CDH12: variants seen among roughly 807,000 people sequenced by gnomAD.
CDH12 encodes the protein cadherin 12, also known as cadherin-12.
A neutral mutation model predicts 74.1 loss-of-function variants in CDH12; 41 were observed. The observed-to-expected ratio is 0.55, with a 90% CI of 0.43 to 0.72. The LOEUF (loss-of-function observed/expected upper bound fraction) is 0.72. Ranked by LOEUF, CDH12 falls within the 30% of genes least tolerant of loss-of-function variation. CDH12 has a pLI of 0.00. For synonymous variants in CDH12, 399 were observed against 355.0 expected, an observed-to-expected ratio of 1.12 and a Z score of -1.39; for missense variants, 945 against 977.2, an observed-to-expected ratio of 0.97 and a Z score of 0.44.
At chr5:22,565,650 G>C (rs1739249641) in intron 1 of CDH12, among the ~76,000 whole-genome samples, 1 of 151,908 alleles carries the variant, frequency 6.6e-6, no homozygotes, top group African/African-American at 2.4e-5. Flanking sequence ...AATCCTCTTG[G>C]GGGTATTTGC....
intron 3 of CDH12, among the ~76,000 whole-genome samples, chr5:22,261,185 T>A (rs1322630518): frequency 6.6e-6 from 1 of 151,868 alleles, no homozygotes; most frequent in Non-Finnish European, 1.5e-5. Context: ...CAGAAATTTT[T>A]TTTTGCAATA....
intron 6 of CDH12, among the ~76,000 whole-genome samples, chr5:21,898,733 A>C (rs1031639411): frequency 9.9e-5 from 15 of 151,918 alleles, no homozygotes; most frequent in Non-Finnish European, 1.3e-4. Flanking sequence ...ATAAATAAAT[A>C]AAATAAAGTA....
chr5:22,380,991 C>A (rs1434015183), intron 3 of CDH12, among the ~76,000 whole-genome samples: 1 of 151,968 alleles, frequency 6.6e-6, no homozygotes, highest in African/African-American at 2.4e-5. Context: ...ATAAGAAGTG[C>A]TGGAGGATAT....
chr5:21,764,834 T>G, intron 12 of CDH12, 144 bp downstream of exon 12: 1 of 760,300 alleles, frequency 1.3e-6, no homozygotes, highest in South Asian at 1.7e-5. Flanking sequence ...TCACAAGAGT[T>G]TAATTAATCT....
At chr5:22,809,307 A>G (rs1287692343) in intron 1 of CDH12, among the ~76,000 whole-genome samples, 3 of 152,034 alleles carry the variant, frequency 2.0e-5, no homozygotes, top group Admixed American at 6.6e-5. Flanking sequence ...GGTAGCAGAC[A>G]AAAGTATATT....
At chr5:22,232,915 C>T (rs1276755157) in intron 3 of CDH12, among the ~76,000 whole-genome samples, 6 of 147,630 alleles carry the variant, frequency 4.1e-5, no homozygotes, top group Admixed American at 1.4e-4. Flanking sequence ...TTTTTTCTCT[C>T]TCATTGGATT....
intron 11 of CDH12, among the ~76,000 whole-genome samples, chr5:21,766,204 T>TA (rs1262417995): frequency 1.3e-5 from 2 of 151,996 alleles, no homozygotes; most frequent in Non-Finnish European, 2.9e-5. Flanking sequence ...AAAATTCATT[T>TA]AAAAAATACA....
intron 3 of CDH12, among the ~76,000 whole-genome samples, chr5:22,364,340 C>A (rs1740943827): frequency 3.9e-5 from 6 of 152,050 alleles, no homozygotes; most frequent in Admixed American, 3.9e-4. Flanking sequence ...CAAACAGATT[C>A]AAATGTTAAC....
chr5:22,117,489 T>TAA (rs1491147762), intron 4 of CDH12, among the ~76,000 whole-genome samples: 1 of 48,606 alleles, frequency 2.1e-5, no homozygotes, highest in African/African-American at 7.3e-5. Context: ...TATATATATA[T>TAA]TATATATATA....
intron 6 of CDH12, among the ~76,000 whole-genome samples, chr5:21,913,053 G>C (rs942002326): frequency 6.6e-6 from 1 of 152,092 alleles, no homozygotes; most frequent in Admixed American, 6.6e-5. Flanking sequence ...ATGTTGGCCA[G>C]ACTGACCTCA....
chr5:22,690,665 GT>G (rs1326247266), intron 1 of CDH12, among the ~76,000 whole-genome samples: 1 of 152,134 alleles, frequency 6.6e-6, no homozygotes, highest in African/African-American at 2.4e-5. Flanking sequence ...CTTTTTGTAA[GT>G]TCAGGAAAAT....
At chr5:21,903,946 G>GA (rs1323915696) in intron 6 of CDH12, among the ~76,000 whole-genome samples, 2 of 151,984 alleles carry the variant, frequency 1.3e-5, no homozygotes, top group Admixed American at 1.3e-4. Flanking sequence ...TTATTCCTTA[G>GA]AAAAAAAGAC....
intron 3 of CDH12, among the ~76,000 whole-genome samples, chr5:22,301,971 T>C (rs1036804535): frequency 6.6e-6 from 1 of 151,548 alleles, no homozygotes. Flanking sequence ...TCCCAGCCCA[T>C]CTACTTTATA....
intron 11 of CDH12, among the ~76,000 whole-genome samples, chr5:21,775,589 C>T (rs959479610): frequency 6.6e-6 from 1 of 152,054 alleles, no homozygotes; most frequent in African/African-American, 2.4e-5. Flanking sequence ...CATAGCTATG[C>T]CTTTGCTTAA....
At chr5:22,393,267 TTA>T (rs1742322359) in intron 3 of CDH12, among the ~76,000 whole-genome samples, 1 of 151,884 alleles carries the variant, frequency 6.6e-6, no homozygotes, top group South Asian at 2.1e-4. Context: ...AAAGGAAACG[TTA>T]GAGTGAAGTG....
At chr5:21,816,654 GAAT>G (rs1748064749) in intron 9 of CDH12, among the ~76,000 whole-genome samples, 1 of 49,708 alleles carries the variant, frequency 2.0e-5, no homozygotes, top group South Asian at 7.9e-4. Flanking sequence ...AAAAAAAAAA[GAAT>G]AGAGTATATA....
At chr5:22,742,323 A>G (rs1745070178) in intron 1 of CDH12, among the ~76,000 whole-genome samples, 1 of 152,202 alleles carries the variant, frequency 6.6e-6, no homozygotes. Flanking sequence ...CCTGAGGACC[A>G]GAGGAGTCTG....
chr5:22,201,357 A>G (rs1474043071), intron 4 of CDH12, among the ~76,000 whole-genome samples: 1 of 152,202 alleles, frequency 6.6e-6, no homozygotes, highest in Non-Finnish European at 1.5e-5. Flanking sequence ...ACAAGAATTA[A>G]ATCATGTCTT....
At chr5:21,842,940 C>G (rs2149987347) in intron 7 of CDH12, among the ~76,000 whole-genome samples, 1 of 152,052 alleles carries the variant, frequency 6.6e-6, no homozygotes, top group East Asian at 1.9e-4. Flanking sequence ...GTATGCAAAC[C>G]AATTAACCGA....
Sources: allele counts gnomAD v4.1 joint callset (sites outside exome capture counted in the v4.1 genomes callset), GRCh38; gene constraint gnomAD v4.1.1; transcripts MANE v1.5; gene names NCBI Gene and HGNC (gene_info 2026-07-23, HGNC 2026-07-21).